Variants in GRID1 observed in about 807,000 individuals in gnomAD.
GRID1 encodes glutamate receptor ionotropic, delta-1.
GRID1 carries 28 observed loss-of-function variants against 98.0 expected under a neutral mutation model. The observed-to-expected ratio is 0.29, with a 90% CI of 0.21 to 0.39. GRID1 has a LOEUF of 0.39. Among genes scored for constraint, GRID1 ranks in the 10% least tolerant of loss-of-function variants. GRID1 has a pLI of 1.00. For synonymous variants in GRID1, 553 were observed against 538.5 expected (o/e 1.03, Z -0.37); for missense variants, 1,111 against 1,340.5 (o/e 0.83, Z 2.67).
intron 8 of GRID1, among the ~76,000 whole-genome samples, chr10:85,796,238 C>G (rs1182292841): frequency 6.6e-6 from 1 of 152,152 alleles, no homozygotes; most frequent in Non-Finnish European, 1.5e-5. Context: ...AAAGAAGACA[C>G]CATTGGAGAA....
intron 3 of GRID1, among the ~76,000 whole-genome samples, chr10:86,158,078 G>A (rs555198814): frequency 7.0e-4 from 107 of 152,316 alleles, no homozygotes; most frequent in African/African-American, 2.5e-3. Context: ...CCAACGCAGT[G>A]CTTCTGCTCT....
At chr10:86,103,073 C>G (rs1844323070) in intron 4 of GRID1, among the ~76,000 whole-genome samples, 1 of 152,180 alleles carries the variant, frequency 6.6e-6, no homozygotes, top group African/African-American at 2.4e-5. Context: ...ATCCATTTAA[C>G]CTCTTTTTCT....
At chr10:85,681,583 T>C (rs961531774) in intron 12 of GRID1, among the ~76,000 whole-genome samples, 1 of 152,042 alleles carries the variant, frequency 6.6e-6, no homozygotes, top group Admixed American at 6.6e-5. Context: ...ATGCACTGCC[T>C]CTTAACCTGG....
rs145093142 is a variant in GRID1, at chr10:85,668,771, A to G, written c.1998-21374T>C. On this transcript the variant is annotated intron_variant, in intron 12 of 15. Coordinates refer to ENST00000327946, the MANE Select transcript of GRID1 (RefSeq NM_017551.3). ...GAAGAATTTATCTCACAGTTCAGCAATGGCAGTAAGACACTGCTTCTAAAG... is the reference window on the plus strand; with the variant it reads ...GAAGAATTTATCTCACAGTTCAGCAGTGGCAGTAAGACACTGCTTCTAAAG... Among the ~76,000 whole-genome samples the G allele has an allele frequency of 4.1e-3, 618 of 152,350 alleles. 4 individuals are homozygous for G. The highest frequency in any genetic ancestry group is 5.8e-3 in the Non-Finnish European group (393 of 68,038).
intron 2 of GRID1, among the ~76,000 whole-genome samples, chr10:86,319,531 C>T (rs1359299706): frequency 6.6e-6 from 1 of 152,188 alleles, no homozygotes; most frequent in Non-Finnish European, 1.5e-5. Flanking sequence ...ATCCCCTCCC[C>T]CTGCCCCAGG....
intron 12 of GRID1, among the ~76,000 whole-genome samples, chr10:85,721,486 A>G (rs1012029037): frequency 2.6e-5 from 4 of 152,236 alleles, no homozygotes; most frequent in African/African-American, 7.2e-5. Flanking sequence ...ACTGTGGTAT[A>G]TGTGATATTA....
chr10:86,217,801 C>A (rs1846197180), intron 2 of GRID1, among the ~76,000 whole-genome samples: 1 of 152,152 alleles, frequency 6.6e-6, no homozygotes. Flanking sequence ...CAGCTGGTCT[C>A]CTGGTAACAG....
At chr10:86,263,424 G>A (rs1034419758) in intron 2 of GRID1, among the ~76,000 whole-genome samples, 12 of 152,308 alleles carry the variant, frequency 7.9e-5, no homozygotes, top group African/African-American at 2.9e-4. Flanking sequence ...CAGGCCCAAC[G>A]GGACGGTTCC....
rs758711372 is a variant in GRID1, at chr10:86,363,994, G to A, written c.182C>T (p.Thr61Ile). The stretch of plus-strand genomic sequence containing the variant: ...GGCCTCGATGACCTTGATGGAGTAG[G>A]TGATCTTCTCGCTCTGCAGGATGTC... ...NDDILQSEKITYSIKVIEANN... is the reference protein window; with the variant it reads ...NDDILQSEKIIYSIKVIEANN... The change falls in exon 2 of 16, where the codon ACC (threonine) becomes ATC (isoleucine). Residue 61 changes from threonine (T) to isoleucine (I), a missense_variant. This residue lies in a region of GRID1 where 346 missense variants were observed against 452.3 expected (regional missense o/e 0.76). Coordinates refer to ENST00000327946, the MANE Select transcript of GRID1 (RefSeq NM_017551.3). 1 of 1,614,012 alleles carries A rather than the reference G, an allele frequency of 6.2e-7. No individual in the cohort carries two copies. Among genetic ancestry groups the A allele is most frequent in the East Asian group, 2.2e-5 (1 of 44,872 alleles).
At chr10:85,956,380 C>T (rs1446292827) in intron 4 of GRID1, among the ~76,000 whole-genome samples, 1 of 152,208 alleles carries the variant, frequency 6.6e-6, no homozygotes, top group Non-Finnish European at 1.5e-5. Flanking sequence ...CCAGCACTCT[C>T]TTCTGGAAAC....
At chr10:85,684,507 A>C (rs1383604687) in intron 12 of GRID1, among the ~76,000 whole-genome samples, 1 of 152,224 alleles carries the variant, frequency 6.6e-6, no homozygotes. Flanking sequence ...TCACAGATAT[A>C]GAAAAAGCAT....
intron 4 of GRID1, among the ~76,000 whole-genome samples, chr10:85,943,857 GAGATATCTACTTCCCCAAGCCC>G (rs1352166711): frequency 6.6e-6 from 1 of 152,222 alleles, no homozygotes; most frequent in Non-Finnish European, 1.5e-5. Flanking sequence ...CCCATCAGGA[GAGATATCTACTTCCCCAAGCCC>G]GGAGTCTGGA....
intron 8 of GRID1, among the ~76,000 whole-genome samples, chr10:85,799,375 A>G (rs1324009173): frequency 1.3e-5 from 2 of 152,150 alleles, no homozygotes; most frequent in African/African-American, 4.8e-5. Flanking sequence ...CTATATATGA[A>G]AAATGATTAT....
At chr10:86,241,106 T>C (rs1017630859) in intron 2 of GRID1, among the ~76,000 whole-genome samples, 2 of 152,232 alleles carry the variant, frequency 1.3e-5, no homozygotes, top group African/African-American at 4.8e-5. Flanking sequence ...CACTGCCCAG[T>C]GCTCTGTGAG....
chr10:85,937,820 T>A (rs1391111662), intron 4 of GRID1, among the ~76,000 whole-genome samples: 2 of 152,190 alleles, frequency 1.3e-5, no homozygotes, highest in Non-Finnish European at 2.9e-5. Context: ...CAATGCACAG[T>A]TCTGCCCCCA....
At chr10:85,790,912 G>C (rs1043525293) in intron 8 of GRID1, among the ~76,000 whole-genome samples, 1 of 152,192 alleles carries the variant, frequency 6.6e-6, no homozygotes, top group African/African-American at 2.4e-5. Flanking sequence ...CTCTCTCTGA[G>C]CAGAGTAGAG....
chr10:85,758,456 G>T (rs1390387207), intron 8 of GRID1, among the ~76,000 whole-genome samples: 1 of 152,140 alleles, frequency 6.6e-6, no homozygotes, highest in African/African-American at 2.4e-5. Context: ...GAGGGTAATT[G>T]TTGAGGCCTC....
intron 5 of GRID1, among the ~76,000 whole-genome samples, chr10:85,882,158 C>T (rs1255866510): frequency 1.3e-5 from 2 of 152,190 alleles, no homozygotes; most frequent in Admixed American, 1.3e-4. Context: ...AATAGGAACA[C>T]TTTTACACCA....
At chr10:85,768,329 A>C (rs923494629) in intron 8 of GRID1, among the ~76,000 whole-genome samples, 18 of 152,208 alleles carry the variant, frequency 1.2e-4, no homozygotes, top group Non-Finnish European at 1.2e-4. Flanking sequence ...AATTTCTAGA[A>C]GGTAACATTG....
Sources: allele counts gnomAD v4.1 joint callset (sites outside exome capture counted in the v4.1 genomes callset), GRCh38; gene constraint gnomAD v4.1.1; regional missense constraint gnomAD v4.1.1; transcripts MANE v1.5; gene names NCBI Gene and HGNC (gene_info 2026-07-23, HGNC 2026-07-21).